Variants in CCNY observed in about 807,000 individuals in gnomAD.
The protein encoded by CCNY is cyclin-Y.
A neutral mutation model predicts 42.8 loss-of-function variants in CCNY; 19 were observed. The ratio of observed to expected loss-of-function variants is 0.44; its 90% CI spans 0.31 to 0.65. The LOEUF (loss-of-function observed/expected upper bound fraction) is 0.65, where lower values mean the gene tolerates loss of function less well. Ranked by LOEUF, CCNY falls within the 30% of genes least tolerant of loss-of-function variation. CCNY has a pLI of 0.07. For missense variants in CCNY, 370 were observed against 437.3 expected (o/e 0.85, Z 1.37); for synonymous variants, 165 against 162.7 (o/e 1.01, Z -0.11).
At chr10:35,515,912 C>A (rs1239915502) in intron 3 of CCNY, among the ~76,000 whole-genome samples, 1 of 152,200 alleles carries the variant, frequency 6.6e-6, no homozygotes, top group Non-Finnish European at 1.5e-5. Context: ...AAAGAACTAT[C>A]TAAAGGTCAT....
At chr10:35,550,233 A>G (rs1589199419) in intron 7 of CCNY, among the ~76,000 whole-genome samples, 1 of 149,760 alleles carries the variant, frequency 6.7e-6, no homozygotes. Context: ...CTCATGGCCC[A>G]TGACCCTACA....
At chr10:35,555,153 A>G (rs1841338952) in intron 8 of CCNY, among the ~76,000 whole-genome samples, 1 of 152,182 alleles carries the variant, frequency 6.6e-6, no homozygotes, top group Non-Finnish European at 1.5e-5. Context: ...CTGGATACTG[A>G]GGCCTAGAGA....
At chr10:35,337,269 G>C (rs1836063033) in intron 1 of CCNY, 62 bp downstream of exon 1, 5 of 1,296,966 alleles carry the variant, frequency 3.9e-6, no homozygotes, top group Non-Finnish European at 5.0e-6. Flanking sequence ...AGCCAACGTC[G>C]GGGCGGCCCG....
intron 5 of CCNY, among the ~76,000 whole-genome samples, chr10:35,527,925 C>T (rs535931092): frequency 3.9e-5 from 6 of 152,310 alleles, no homozygotes; most frequent in African/African-American, 1.4e-4. Context: ...AGTAAGGAAA[C>T]AGTCTACTTC....
At chr10:35,383,642 C>T (rs1837241346) in intron 1 of CCNY, among the ~76,000 whole-genome samples, 2 of 152,080 alleles carry the variant, frequency 1.3e-5, no homozygotes, top group South Asian at 4.1e-4. Context: ...TATTTCTGGC[C>T]AAATGTTAGC....
At chr10:35,327,338 C>T (rs1299234409) in intron 3 of CCNY, among the ~76,000 whole-genome samples, 1 of 152,032 alleles carries the variant, frequency 6.6e-6, no homozygotes, top group Non-Finnish European at 1.5e-5. Context: ...GATGTACATC[C>T]TTATTTTTAT....
chr10:35,286,141 T>C (rs1325739325), intron 3 of CCNY, among the ~76,000 whole-genome samples: 1 of 152,008 alleles, frequency 6.6e-6, no homozygotes, highest in Non-Finnish European at 1.5e-5. Context: ...TTATTACTTG[T>C]TTTCTGTTTG....
chr10:35,522,750 C>T (rs1840574236), intron 4 of CCNY, among the ~76,000 whole-genome samples: 1 of 152,226 alleles, frequency 6.6e-6, no homozygotes, highest in South Asian at 2.1e-4. Context: ...ACTCTGGCCA[C>T]ACATGCTGCG....
intron 3 of CCNY, among the ~76,000 whole-genome samples, chr10:35,266,868 G>C (rs912848191): frequency 1.2e-4 from 19 of 152,064 alleles, no homozygotes; most frequent in African/African-American, 4.6e-4. Flanking sequence ...TGGATCTCCT[G>C]AGATCAGGAG....
chr10:35,351,612 T>C (rs2135138330), intron 1 of CCNY, among the ~76,000 whole-genome samples: 1 of 152,304 alleles, frequency 6.6e-6, no homozygotes, highest in East Asian at 1.9e-4. Flanking sequence ...ACATAGTGGG[T>C]GCTTAGTTTG....
At chr10:35,490,827 A>G (rs916605937) in intron 2 of CCNY, among the ~76,000 whole-genome samples, 2 of 152,172 alleles carry the variant, frequency 1.3e-5, no homozygotes, top group African/African-American at 4.8e-5. Flanking sequence ...AGGTCAGTGC[A>G]GGCCTCAGCT....
At chr10:35,406,183 T>TC (rs1013961017) in intron 1 of CCNY, among the ~76,000 whole-genome samples, 229 of 140,992 alleles carry the variant, frequency 1.6e-3, no homozygotes, top group Non-Finnish European at 2.6e-3. Flanking sequence ...AGCTTTTTCT[T>TC]TTTTTTTTTC....
intron 2 of CCNY, among the ~76,000 whole-genome samples, chr10:35,486,582 C>T (rs749644852): frequency 1.3e-5 from 2 of 152,180 alleles, no homozygotes; most frequent in Admixed American, 6.5e-5. Context: ...CAGGACTTCC[C>T]GTGAATCAGA....
intron 3 of CCNY, among the ~76,000 whole-genome samples, chr10:35,324,752 ACTTT>A (rs1835859990): frequency 6.6e-6 from 1 of 152,214 alleles, no homozygotes; most frequent in African/African-American, 2.4e-5. Context: ...TTTTGTGCAT[ACTTT>A]TTTTTCTATA....
At chr10:35,445,034 GT>G (rs1267294759) in intron 1 of CCNY, among the ~76,000 whole-genome samples, 1 of 152,198 alleles carries the variant, frequency 6.6e-6, no homozygotes, top group African/African-American at 2.4e-5. Flanking sequence ...CATTAACTCA[GT>G]TTGGGATTAT....
chr10:35,569,508 G>T lies in CCNY; in HGVS notation c.*338G>T, dbSNP rs1272561151. ...GCCCTCTGGAGTCCCCATGGGGGCG[G>T]TAGCTGAAGTTGGCGAGCGCAGCGG... On this transcript the variant is annotated 3_prime_UTR_variant, in exon 10 of 10. Coordinates refer to ENST00000374704, the MANE Select transcript of CCNY (RefSeq NM_145012.6). 2 of 320,406 alleles carry T rather than the reference G, an allele frequency of 6.2e-6. No individual in the cohort carries two copies. The highest frequency in any genetic ancestry group is 4.1e-5 in the Admixed American group (1 of 24,244). The allele number at this position is 320,406 out of a possible 1,614,324, so 19.8% of individuals were successfully genotyped here.
At chr10:35,471,255 AG>A (rs1402261012) in intron 1 of CCNY, among the ~76,000 whole-genome samples, 1 of 151,664 alleles carries the variant, frequency 6.6e-6, no homozygotes, top group East Asian at 1.9e-4. Flanking sequence ...GGGGGATGCG[AG>A]GGGCTTGCGA....
chr10:35,474,396 T>C (rs2135350391), intron 1 of CCNY, among the ~76,000 whole-genome samples: 1 of 152,350 alleles, frequency 6.6e-6, no homozygotes. Flanking sequence ...TAAATGTCCC[T>C]GTCTGACAGC....
chr10:35,300,592 C>T (rs550221661), intron 3 of CCNY, among the ~76,000 whole-genome samples: 9 of 152,064 alleles, frequency 5.9e-5, no homozygotes, highest in East Asian at 1.9e-4. Context: ...TTTTTGCATT[C>T]GCTTATACAA....
Sources: gnomAD v4.1 joint callset for allele counts (sites outside exome capture counted in the v4.1 genomes callset) on GRCh38, gnomAD v4.1.1 for gene constraint, MANE v1.5 for transcripts, NCBI Gene and HGNC (gene_info 2026-07-23, HGNC 2026-07-21) for gene names.